Variants in BMPR1B observed in about 807,000 individuals in gnomAD.
BMPR1B encodes the protein bone morphogenetic protein receptor type-1B.
A neutral mutation model predicts 59.1 loss-of-function variants in BMPR1B; 12 were observed. That is an observed-to-expected ratio of 0.20 (90% CI 0.13 to 0.33). The LOEUF (loss-of-function observed/expected upper bound fraction) is 0.33, where lower values mean the gene tolerates loss of function less well. Among genes scored for constraint, BMPR1B ranks in the 10% least tolerant of loss-of-function variants. BMPR1B has a pLI of 1.00. For synonymous variants in BMPR1B, 237 were observed against 207.3 expected (o/e 1.14, Z -1.23); for missense variants, 550 against 610.9 (o/e 0.90, Z 1.05).
chr4:95,093,639 T>G (rs914804825), intron 3 of BMPR1B, among the ~76,000 whole-genome samples: 14 of 152,114 alleles, frequency 9.2e-5, no homozygotes, highest in African/African-American at 3.1e-4. Flanking sequence ...ATAAAATGTT[T>G]GAGTGATTGA....
intron 2 of BMPR1B, among the ~76,000 whole-genome samples, chr4:94,935,656 G>C (rs1233923338): frequency 6.6e-6 from 1 of 152,200 alleles, no homozygotes; most frequent in Non-Finnish European, 1.5e-5. Context: ...CTTTCAGAGA[G>C]GTAATCTTAG....
chr4:94,894,011 G>A (rs17501058), intron 2 of BMPR1B, among the ~76,000 whole-genome samples: 24,292 of 151,874 alleles, frequency 0.16, 2,084 homozygotes, highest in South Asian at 0.19. Context: ...TGTTGCTCTC[G>A]TATTTCACTT....
chr4:94,831,029 C>T (rs1724566227), intron 1 of BMPR1B, among the ~76,000 whole-genome samples: 1 of 152,042 alleles, frequency 6.6e-6, no homozygotes. Flanking sequence ...TGTAAAAAAG[C>T]CTCAGGCAGG....
At chr4:94,801,443 G>T (rs1174587903) in intron 1 of BMPR1B, among the ~76,000 whole-genome samples, 2 of 152,226 alleles carry the variant, frequency 1.3e-5, no homozygotes, top group South Asian at 4.2e-4. Flanking sequence ...AGAAATCACC[G>T]TCACTGCACA....
At chr4:94,824,026 A>AT (rs1182401062) in intron 1 of BMPR1B, among the ~76,000 whole-genome samples, 1 of 152,216 alleles carries the variant, frequency 6.6e-6, no homozygotes, top group African/African-American at 2.4e-5. Flanking sequence ...GATTACAGGC[A>AT]TGAGCCACCG....
intron 2 of BMPR1B, among the ~76,000 whole-genome samples, chr4:94,977,496 T>C (rs1005212860): frequency 1.0e-5 from 1 of 100,008 alleles, no homozygotes; most frequent in African/African-American, 3.7e-5. Flanking sequence ...TTTTTTTTTT[T>C]AGTTCCTCTA....
At chr4:95,081,144 C>T (rs542710877) in intron 3 of BMPR1B, among the ~76,000 whole-genome samples, 44 of 152,164 alleles carry the variant, frequency 2.9e-4, no homozygotes, top group Admixed American at 2.9e-3. Flanking sequence ...TCCTTGCTGC[C>T]ACCATGTGAA....
intron 3 of BMPR1B, among the ~76,000 whole-genome samples, chr4:95,018,805 C>G (rs1195304041): frequency 6.6e-6 from 1 of 152,018 alleles, no homozygotes; most frequent in African/African-American, 2.4e-5. Flanking sequence ...AGAAATGGAA[C>G]CTGAACTGGA....
intron 2 of BMPR1B, among the ~76,000 whole-genome samples, chr4:94,921,659 A>T (rs546136035): frequency 6.6e-6 from 1 of 152,236 alleles, no homozygotes; most frequent in African/African-American, 2.4e-5. Flanking sequence ...TGCCCCCTTG[A>T]TCCACTCATC....
chr4:94,804,529 A>G (rs1371769952), intron 1 of BMPR1B, among the ~76,000 whole-genome samples: 1 of 152,074 alleles, frequency 6.6e-6, no homozygotes, highest in Admixed American at 6.5e-5. Flanking sequence ...GTTAGAGCCT[A>G]CAACCAAAGA....
intron 3 of BMPR1B, among the ~76,000 whole-genome samples, chr4:95,032,202 C>T (rs1470138092): frequency 2.6e-5 from 4 of 152,028 alleles, no homozygotes; most frequent in African/African-American, 9.7e-5. Flanking sequence ...GAGCTCCTGC[C>T]TCCTGGTTTG....
intron 1 of BMPR1B, among the ~76,000 whole-genome samples, chr4:94,809,369 A>C (rs759768063): frequency 2.6e-5 from 4 of 152,228 alleles, no homozygotes; most frequent in Non-Finnish European, 5.9e-5. Context: ...TATTTCTTAC[A>C]TTTAAACAAA....
intron 1 of BMPR1B, among the ~76,000 whole-genome samples, chr4:94,823,141 T>C (rs1157234686): frequency 6.6e-6 from 1 of 152,244 alleles, no homozygotes. Context: ...AGTTGAAATA[T>C]ATTGAAATCA....
intron 1 of BMPR1B, among the ~76,000 whole-genome samples, chr4:94,847,877 A>G (rs555489863): frequency 2.0e-5 from 3 of 152,198 alleles, no homozygotes; most frequent in Non-Finnish European, 2.9e-5. Flanking sequence ...ATTTGATAGC[A>G]GCCAACAGTA....
chr4:94,795,936 T>G (rs1199937030), intron 1 of BMPR1B, among the ~76,000 whole-genome samples: 2 of 151,978 alleles, frequency 1.3e-5, no homozygotes, highest in South Asian at 2.1e-4. Context: ...GTCAGCAAAT[T>G]CAGTCAGGCC....
chr4:94,993,872 A>G (rs1246397442), intron 2 of BMPR1B, among the ~76,000 whole-genome samples: 1 of 152,140 alleles, frequency 6.6e-6, no homozygotes, highest in Non-Finnish European at 1.5e-5. Context: ...GGTCAAGAAA[A>G]TAAATAGCAA....
chr4:95,108,925 G>A (rs755114844), intron 4 of BMPR1B, among the ~76,000 whole-genome samples: 1 of 152,006 alleles, frequency 6.6e-6, no homozygotes, highest in Non-Finnish European at 1.5e-5. Context: ...GTTTCCTTGA[G>A]TAACTCTCCT....
intron 9 of BMPR1B, among the ~76,000 whole-genome samples, chr4:95,130,594 A>C (rs1733257646): frequency 6.6e-6 from 1 of 152,048 alleles, no homozygotes; most frequent in South Asian, 2.1e-4. Flanking sequence ...TAGTTTATAT[A>C]CCATAGTAGT....
At chr4:94,878,495 G>A (rs551596834) in intron 2 of BMPR1B, among the ~76,000 whole-genome samples, 1 of 152,244 alleles carries the variant, frequency 6.6e-6, no homozygotes, top group South Asian at 2.1e-4. Context: ...AAACAGAGAG[G>A]ACTTTCTTGT....
Sources: allele counts gnomAD v4.1 joint callset (sites outside exome capture counted in the v4.1 genomes callset), GRCh38; gene constraint gnomAD v4.1.1; transcripts MANE v1.5; gene names NCBI Gene and HGNC (gene_info 2026-07-23, HGNC 2026-07-21).